GRID2: variants seen among roughly 807,000 people sequenced by gnomAD.
The protein encoded by GRID2 is glutamate receptor ionotropic, delta-2.
A neutral mutation model predicts 114.8 loss-of-function variants in GRID2; 33 were observed. The observed-to-expected ratio is 0.29, with a 90% CI of 0.22 to 0.38. GRID2 has a LOEUF of 0.38. GRID2 is among the 10% of genes least tolerant of loss of function. The pLI, the probability that GRID2 is intolerant of heterozygous loss-of-function variation, is 1.00. For missense variants in GRID2, 1,184 were observed against 1,257.7 expected (o/e 0.94, Z 0.89); for synonymous variants, 505 against 449.9 (o/e 1.12, Z -1.55).
chr4:92,885,768 A>G (rs959804044), intron 2 of GRID2, among the ~76,000 whole-genome samples: 1 of 152,214 alleles, frequency 6.6e-6, no homozygotes, highest in Non-Finnish European at 1.5e-5. Flanking sequence ...CCAAAAGCAA[A>G]GGAACTTTGA....
chr4:93,768,291 C>A (rs925452952), intron 14 of GRID2, among the ~76,000 whole-genome samples: 4 of 152,236 alleles, frequency 2.6e-5, no homozygotes, highest in African/African-American at 9.6e-5. Context: ...TCTGTACAGG[C>A]ACACAGCCTT....
chr4:92,422,379 G>A (rs1231545557), intron 1 of GRID2, among the ~76,000 whole-genome samples: 2 of 152,108 alleles, frequency 1.3e-5, no homozygotes, highest in Non-Finnish European at 2.9e-5. Flanking sequence ...AGAGTTTTAA[G>A]CAGAGATGAG....
At chr4:92,938,379 C>T (rs1173860153) in intron 2 of GRID2, among the ~76,000 whole-genome samples, 1 of 146,436 alleles carries the variant, frequency 6.8e-6, no homozygotes, top group Non-Finnish European at 1.5e-5. Context: ...TATAAACCAT[C>T]TTTCTTTTCC....
chr4:92,505,799 C>G (rs1050289141), intron 1 of GRID2, among the ~76,000 whole-genome samples: 1 of 151,844 alleles, frequency 6.6e-6, no homozygotes, highest in Admixed American at 6.6e-5. Flanking sequence ...ATCTTTAATC[C>G]TCAGCAGAGC....
chr4:92,369,506 G>A (rs1477829701), intron 1 of GRID2, among the ~76,000 whole-genome samples: 1 of 152,152 alleles, frequency 6.6e-6, no homozygotes, highest in East Asian at 1.9e-4. Flanking sequence ...GGCTGATTTA[G>A]TTACTTTAAA....
At chr4:93,338,767 A>G (rs185819315) in intron 8 of GRID2, among the ~76,000 whole-genome samples, 34 of 152,240 alleles carry the variant, frequency 2.2e-4, no homozygotes, top group Admixed American at 3.9e-4. Flanking sequence ...ATTTCCTGCA[A>G]TAATGAAAAT....
chr4:92,935,261 G>A (rs1391746262), intron 2 of GRID2, among the ~76,000 whole-genome samples: 2 of 147,362 alleles, frequency 1.4e-5, no homozygotes, highest in Non-Finnish European at 3.0e-5. Flanking sequence ...AGACATTTAT[G>A]CAGCCAAAAA....
chr4:93,605,053 A>T (rs2149648947), intron 13 of GRID2, among the ~76,000 whole-genome samples: 1 of 152,286 alleles, frequency 6.6e-6, no homozygotes, highest in South Asian at 2.1e-4. Context: ...GATATGAAGG[A>T]GCTAATTGAA....
intron 9 of GRID2, among the ~76,000 whole-genome samples, chr4:93,402,254 A>G (rs2149340095): frequency 6.6e-6 from 1 of 152,244 alleles, no homozygotes; most frequent in South Asian, 2.1e-4. Flanking sequence ...TTAGTATCGT[A>G]CTAGTTTTTC....
chr4:93,612,116 A>G (rs980976701), intron 13 of GRID2, among the ~76,000 whole-genome samples: 25 of 152,090 alleles, frequency 1.6e-4, no homozygotes, highest in Non-Finnish European at 3.2e-4. Flanking sequence ...CTGTTTTATC[A>G]GAGACTAGGA....
intron 2 of GRID2, among the ~76,000 whole-genome samples, chr4:92,643,946 A>G (rs1731486997): frequency 6.6e-6 from 1 of 151,816 alleles, no homozygotes; most frequent in Non-Finnish European, 1.5e-5. Flanking sequence ...TATCTATATT[A>G]GTAAATTACT....
At chr4:92,356,707 G>A (rs552232410) in intron 1 of GRID2, among the ~76,000 whole-genome samples, 6 of 151,758 alleles carry the variant, frequency 4.0e-5, no homozygotes, top group Admixed American at 4.0e-4. Flanking sequence ...ATTGTCTACT[G>A]TGTTTTGCTG....
At chr4:93,437,407 G>A (rs1278522075) in intron 10 of GRID2, among the ~76,000 whole-genome samples, 1 of 152,052 alleles carries the variant, frequency 6.6e-6, no homozygotes, top group Non-Finnish European at 1.5e-5. Flanking sequence ...TGTCTGCAAA[G>A]CATTTAAATA....
chr4:93,319,185 C>T (rs1331601974), intron 8 of GRID2, among the ~76,000 whole-genome samples: 1 of 151,972 alleles, frequency 6.6e-6, no homozygotes, highest in Non-Finnish European at 1.5e-5. Flanking sequence ...GAATGCTAGC[C>T]ATTCAAAATG....
intron 4 of GRID2, among the ~76,000 whole-genome samples, chr4:93,143,678 A>G (rs1440890491): frequency 1.3e-5 from 2 of 152,222 alleles, no homozygotes; most frequent in Non-Finnish European, 2.9e-5. Flanking sequence ...CAACTGTTTT[A>G]TTTAATGACT....
At chr4:92,879,184 G>A (rs1294271448) in intron 2 of GRID2, among the ~76,000 whole-genome samples, 2 of 152,052 alleles carry the variant, frequency 1.3e-5, no homozygotes, top group Non-Finnish European at 2.9e-5. Context: ...AACTGTTAAT[G>A]ATACTATCTT....
intron 8 of GRID2, among the ~76,000 whole-genome samples, chr4:93,366,605 C>A (rs185193167): frequency 1.5e-3 from 235 of 152,142 alleles, no homozygotes; most frequent in African/African-American, 5.1e-3. Flanking sequence ...TTGTAAAGTA[C>A]TTGATGTCTC....
At chr4:92,397,441 A>G (rs1322618234) in intron 1 of GRID2, among the ~76,000 whole-genome samples, 1 of 151,748 alleles carries the variant, frequency 6.6e-6, no homozygotes, top group African/African-American at 2.4e-5. Flanking sequence ...CAAGCCTAGC[A>G]CTGACATCAT....
intron 2 of GRID2, among the ~76,000 whole-genome samples, chr4:93,069,410 T>C (rs1728613020): frequency 6.6e-6 from 1 of 151,788 alleles, no homozygotes; most frequent in African/African-American, 2.4e-5. Context: ...ATATCCAAAA[T>C]ACCAGGACAT....
Sources: allele counts gnomAD v4.1 joint callset (sites outside exome capture counted in the v4.1 genomes callset), GRCh38; gene constraint gnomAD v4.1.1; transcripts MANE v1.5; gene names NCBI Gene and HGNC (gene_info 2026-07-23, HGNC 2026-07-21).